The following CEP120 variants were observed in gnomAD, a reference collection of about 807,000 sequenced individuals.
CEP120 encodes the protein centrosomal protein of 120 kDa.
A neutral mutation model predicts 126.5 loss-of-function variants in CEP120; 113 were observed. The observed-to-expected ratio is 0.89, with a 90% confidence interval of 0.77 to 1.04. CEP120 has a LOEUF of 1.04. Ranked by LOEUF, CEP120 falls within the 50% of genes least tolerant of loss-of-function variation. The probability of loss-of-function intolerance (pLI) is 0.00; values close to 1 mark genes in which losing one functional copy is unlikely to be tolerated. For missense variants in CEP120, 1,230 were observed against 1,155.7 expected (o/e 1.06, Z -0.93); for synonymous variants, 400 against 394.3 (o/e 1.01, Z -0.17).
intron 8 of CEP120, 36 bp downstream of exon 8, chr5:123,389,888 C>T (rs909794810): frequency 6.4e-6 from 10 of 1,556,058 alleles, no homozygotes; most frequent in Non-Finnish European, 8.9e-6. Flanking sequence ...AATGCAATAC[C>T]TCAAAGATCT....
At chr5:123,416,591 AAATAAAAAAAAT>A (rs2127137146) in intron 2 of CEP120, among the ~76,000 whole-genome samples, 1 of 148,772 alleles carries the variant, frequency 6.7e-6, no homozygotes, top group Non-Finnish European at 1.5e-5. Context: ...ATAAAAATAA[AAATAAAAAAAAT>A]AAACAGGTAA....
rs759125480 is a variant in CEP120 at position 123,377,409 on chromosome 5, G to A, written c.2323C>T (p.Gln775Ter). 3 of 1,610,942 alleles carry A rather than the reference G, an allele frequency of 1.9e-6. No individual in the cohort carries two copies. The Admixed American group carries it at 5.1e-5, about 27-fold the overall frequency. ...QVELERLKIK[Q>*]LEEDKHRLQQ... ...AGGCGGTGTTTATCCTCTTCGAGCT[G>A]TTTGATTTTTAACCTTTCTAGTTCT... Residue 775 changes from glutamine to a stop codon, truncating the protein, a stop_gained, in exon 16 of 20, where the codon CAG becomes TAG. Transcript: ENST00000306467. LOFTEE classifies it high-confidence loss of function.
At chr5:123,381,142 A>C (rs1333094940) in intron 14 of CEP120, among the ~76,000 whole-genome samples, 3 of 152,150 alleles carry the variant, frequency 2.0e-5, no homozygotes, top group Non-Finnish European at 4.4e-5. Flanking sequence ...AACATTTATG[A>C]AACAACTGTT....
intron 18 of CEP120, among the ~76,000 whole-genome samples, chr5:123,362,384 C>T (rs920159608): frequency 2.0e-5 from 3 of 151,642 alleles, no homozygotes; most frequent in African/African-American, 7.3e-5. Context: ...AGGGAAAGAG[C>T]CTGAGGCTGG....
At chr5:123,387,724 TGAG>T (rs954778403) in intron 9 of CEP120, among the ~76,000 whole-genome samples, 2 of 152,136 alleles carry the variant, frequency 1.3e-5, no homozygotes, top group Non-Finnish European at 2.9e-5. Flanking sequence ...AAAAAATTTA[TGAG>T]GAGATGCTAA....
rs765442609 is a variant in CEP120, at chr5:123,393,281, G to T, written c.810+19C>A. The T allele has an allele frequency of 8.7e-6, 14 of 1,611,868 alleles. No individual in the cohort carries two copies. The East Asian group carries it at 2.5e-4, about 28-fold the overall frequency. ...TAAAAGACCACCTCCAGCTAAAAAC[G>T]ATTTGCTGCAATACTCACCTGCAGT... On this transcript the variant is annotated intron_variant, in intron 6 of 19. Transcript: ENST00000306467.
intron 2 of CEP120, among the ~76,000 whole-genome samples, chr5:123,418,084 G>C (rs1168465112): frequency 6.6e-6 from 1 of 152,008 alleles, no homozygotes; most frequent in Non-Finnish European, 1.5e-5. Context: ...GCCACAAACG[G>C]AAAATTCCAC....
intron 4 of CEP120, chr5:123,401,660 T>C: frequency 1.4e-6 from 2 of 1,422,886 alleles, no homozygotes; most frequent in Non-Finnish European, 2.0e-6. Flanking sequence ...CTCCTCTTCA[T>C]ACAGCTGCCT....
At chr5:123,360,543 C>A (rs1337236599) in intron 18 of CEP120, among the ~76,000 whole-genome samples, 2 of 150,780 alleles carry the variant, frequency 1.3e-5, no homozygotes, top group African/African-American at 4.9e-5. Context: ...AGAATTGAAC[C>A]AGTAATTTAA....
intron 4 of CEP120, among the ~76,000 whole-genome samples, chr5:123,405,486 T>C (rs1426756594): frequency 3.3e-5 from 5 of 152,228 alleles, no homozygotes; most frequent in East Asian, 1.9e-4. Context: ...GCCTAACCTG[T>C]TGAGGTTCTA....
chr5:123,386,680 A>AC lies in CEP120; in HGVS notation c.1431-14_1431-13insG. On this transcript the variant is annotated splice_polypyrimidine_tract_variant and intron_variant, in intron 9 of 19. Transcript: ENST00000306467. The stretch of plus-strand genomic sequence containing the variant: ...TGGATATGAGTACCTAGAATTTAAA[A>AC]AAAAAAAAAAAAAAAAAAGCCTTAA... The AC allele has an allele frequency of 2.3e-6, 3 of 1,298,448 alleles. No individual in the cohort carries two copies. Among genetic ancestry groups the AC allele is most frequent in the Non-Finnish European group, 3.0e-6 (3 of 990,490 alleles). The allele number at this position is 1,298,448 out of a possible 1,614,324, so 80.4% of individuals were successfully genotyped here.
In CEP120 at chr5:123,422,914, G is replaced by A. The variant is rs1373542881; in HGVS notation, c.49+36C>T. ...CACACTAAGCTTTTAAAACTCGGGA[G>A]GCAGCAGTTGCAAAAGCAAGCCTCA... On this transcript the variant is annotated intron_variant, in intron 1 of 19. Coordinates refer to ENST00000306467, the MANE Select transcript of CEP120 (RefSeq NM_001375405.1). 5 of 1,593,876 alleles carry A rather than the reference G, an allele frequency of 3.1e-6. No homozygotes were observed. The Admixed American group carries it at 8.3e-5, about 27-fold the overall frequency.
At chr5:123,364,028 C>T (rs913630224) in intron 18 of CEP120, among the ~76,000 whole-genome samples, 2 of 151,540 alleles carry the variant, frequency 1.3e-5, no homozygotes, top group Non-Finnish European at 3.0e-5. Context: ...CAGAAAACTT[C>T]TATCAAAGTT....
Position 123,372,296 on chromosome 5 carries a change from G to A in CEP120, c.2481+354C>T, listed in dbSNP as rs140943381. Among the ~76,000 whole-genome samples the A allele has an allele frequency of 4.8e-3, 723 of 152,150 alleles. 6 individuals carry two copies. Among genetic ancestry groups the A allele is most frequent in the African/African-American group, 0.017 (687 of 41,534 alleles). Reference sequence around the variant, plus strand: ...CATGGCAGTGACAGCACCAAAAGGAGCAACCGAAGTAGACTGTTTTCTGAC... The same window carrying A: ...CATGGCAGTGACAGCACCAAAAGGAACAACCGAAGTAGACTGTTTTCTGAC... On this transcript the variant is annotated intron_variant, in intron 17 of 19. Coordinates refer to ENST00000306467, the MANE Select transcript of CEP120 (RefSeq NM_001375405.1).
intron 6 of CEP120, among the ~76,000 whole-genome samples, chr5:123,392,579 T>C (rs759019010): frequency 2.0e-5 from 3 of 152,194 alleles, no homozygotes; most frequent in Non-Finnish European, 2.9e-5. Context: ...GGTGTGATCA[T>C]AGCTGACTGC....
chr5:123,395,605 CT>C (rs895214689), intron 5 of CEP120, among the ~76,000 whole-genome samples: 1 of 151,566 alleles, frequency 6.6e-6, no homozygotes, highest in African/African-American at 2.4e-5. Context: ...AATATGTGGC[CT>C]TTTGTGTCTT....
intron 19 of CEP120, among the ~76,000 whole-genome samples, 200 bp downstream of exon 19, chr5:123,349,744 G>C (rs959169710): frequency 6.6e-6 from 1 of 152,046 alleles, no homozygotes; most frequent in African/African-American, 2.4e-5. Flanking sequence ...GGGCTCAAAC[G>C]ATCCTCCCAC....
chr5:123,360,603 T>G (rs1261576448), intron 18 of CEP120, among the ~76,000 whole-genome samples: 1 of 151,002 alleles, frequency 6.6e-6, no homozygotes, highest in Non-Finnish European at 1.5e-5. Context: ...GTTTGTGATA[T>G]TCTCCTTATT....
intron 18 of CEP120, among the ~76,000 whole-genome samples, chr5:123,350,560 T>C (rs988225055): frequency 6.6e-6 from 1 of 152,196 alleles, no homozygotes; most frequent in African/African-American, 2.4e-5. Context: ...TACAATGAAC[T>C]GTCAATACAA....
Sources: allele counts gnomAD v4.1 joint callset (sites outside exome capture counted in the v4.1 genomes callset), GRCh38; gene constraint gnomAD v4.1.1; transcripts MANE v1.5; gene names NCBI Gene and HGNC (gene_info 2026-07-23, HGNC 2026-07-21).